The following ADCY2 variants were observed in gnomAD, a reference collection of about 807,000 sequenced individuals.
The protein encoded by ADCY2 is adenylate cyclase 2.
ADCY2 carries 31 observed loss-of-function variants against 125.2 expected under a neutral mutation model. The observed-to-expected ratio is 0.25, with a 90% CI of 0.19 to 0.33. The LOEUF (loss-of-function observed/expected upper bound fraction) is 0.33. Among genes scored for constraint, ADCY2 ranks in the 10% least tolerant of loss-of-function variants. ADCY2 has a pLI of 1.00. For missense variants in ADCY2, 904 were observed against 1,418.2 expected, an observed-to-expected ratio of 0.64 and a Z score of 5.82; for synonymous variants, 512 against 548.4, an observed-to-expected ratio of 0.93 and a Z score of 0.93.
chr5:7,710,022 G>A (rs988607407), intron 10 of ADCY2, among the ~76,000 whole-genome samples: 3 of 152,182 alleles, frequency 2.0e-5, no homozygotes, highest in Admixed American at 6.5e-5. Context: ...CTATCTGGGG[G>A]TAAAATTTCA....
At chr5:7,402,158 A>G (rs1312348941) in intron 1 of ADCY2, among the ~76,000 whole-genome samples, 1 of 152,184 alleles carries the variant, frequency 6.6e-6, no homozygotes, top group African/African-American at 2.4e-5. Context: ...GAGGGCATTC[A>G]ACTCTGACCC....
chr5:7,709,524 C>A lies in ADCY2; in HGVS notation c.1578+137C>A. 1 of 1,063,682 alleles carries A rather than the reference C, an allele frequency of 9.4e-7. No homozygotes were observed. The highest frequency in any genetic ancestry group is 1.3e-6 in the Non-Finnish European group (1 of 762,342). 65.9% of individuals were successfully genotyped at this position (1,063,682 alleles called of 1,614,324 possible). ...ATCACCTTCTTCTTCTCAGAGAGGC[C>A]CTTATGAACAACCATCAGGGTATGA... is the stretch of plus-strand genomic sequence containing the variant. On this transcript the variant is annotated intron_variant, in intron 10 of 24. Coordinates refer to ENST00000338316, the MANE Select transcript of ADCY2 (RefSeq NM_020546.3). The surrounding 1 kb of genome is among the most constrained non-coding windows in gnomAD (Gnocchi z 4.4).
chr5:7,755,854 G>A (rs1206718202), intron 15 of ADCY2, among the ~76,000 whole-genome samples: 1 of 152,222 alleles, frequency 6.6e-6, no homozygotes, highest in East Asian at 1.9e-4. Context: ...AAAATAAGAT[G>A]TGAAAGAAGT....
chr5:7,612,732 C>T (rs912258793), intron 3 of ADCY2, among the ~76,000 whole-genome samples: 28 of 152,108 alleles, frequency 1.8e-4, no homozygotes, highest in Admixed American at 2.0e-4. Flanking sequence ...AGACTGCACA[C>T]GAGGCCGGGC....
chr5:7,663,440 G>T (rs554854900), intron 4 of ADCY2, among the ~76,000 whole-genome samples: 1 of 152,256 alleles, frequency 6.6e-6, no homozygotes, highest in African/African-American at 2.4e-5. Context: ...GGGGGGGCCT[G>T]GAGCCTAGTA....
At chr5:7,763,194 C>T (rs1025069066) in intron 16 of ADCY2, among the ~76,000 whole-genome samples, 1 of 151,954 alleles carries the variant, frequency 6.6e-6, no homozygotes, top group Admixed American at 6.5e-5. Flanking sequence ...CCCGGGTTCA[C>T]GCCATTCTGC....
chr5:7,816,283 A>C (rs1745108339), intron 22 of ADCY2, among the ~76,000 whole-genome samples: 1 of 152,208 alleles, frequency 6.6e-6, no homozygotes, highest in African/African-American at 2.4e-5. Context: ...AGTAGCTGCC[A>C]CCCGGGGCAG....
At chr5:7,537,185 G>A (rs1016427534) in intron 3 of ADCY2, among the ~76,000 whole-genome samples, 6 of 152,118 alleles carry the variant, frequency 3.9e-5, no homozygotes, top group Non-Finnish European at 8.8e-5. Flanking sequence ...TATTTACTAT[G>A]TTTTAAAATC....
chr5:7,788,907 A>T (rs1443780978), intron 19 of ADCY2, among the ~76,000 whole-genome samples: 1 of 152,268 alleles, frequency 6.6e-6, no homozygotes, highest in Non-Finnish European at 1.5e-5. Flanking sequence ...AAGTATTTAC[A>T]TCATAGGAGG....
chr5:7,803,123 A>G (rs1156658394), intron 21 of ADCY2, among the ~76,000 whole-genome samples: 1 of 152,182 alleles, frequency 6.6e-6, no homozygotes, highest in Non-Finnish European at 1.5e-5. Flanking sequence ...TGTCACCACC[A>G]TCATCACTGT....
intron 3 of ADCY2, among the ~76,000 whole-genome samples, chr5:7,570,149 A>G (rs1291613010): frequency 1.3e-5 from 2 of 151,990 alleles, no homozygotes; most frequent in African/African-American, 4.8e-5. Context: ...TTCCAATCAG[A>G]TCATAATTGG....
At chr5:7,621,594 G>A (rs1244315577) in intron 3 of ADCY2, among the ~76,000 whole-genome samples, 2 of 152,154 alleles carry the variant, frequency 1.3e-5, no homozygotes, top group African/African-American at 4.8e-5. Flanking sequence ...TCGTCTATAA[G>A]ATGAAATAAT....
chr5:7,450,360 G>C (rs1741428158), intron 2 of ADCY2, among the ~76,000 whole-genome samples: 1 of 152,148 alleles, frequency 6.6e-6, no homozygotes, highest in Non-Finnish European at 1.5e-5. Flanking sequence ...CTGGCTGGAA[G>C]ATCAAATCAG....
Position 7,625,870 on chromosome 5 carries a change from A to T in ADCY2, c.571-297A>T, listed in dbSNP as rs566069376. Among the ~76,000 whole-genome samples the T allele has an allele frequency of 1.2e-4, 19 of 152,278 alleles. 1 individual carries two copies. The South Asian group carries it at 3.3e-3, about 27-fold the overall frequency. ...AATCCTGGGCTGGATCTAGCTCGTG[A>T]TTATTTCTGTCCACATTGCATTAGC... On this transcript the variant is annotated intron_variant, in intron 3 of 24. Coordinates refer to ENST00000338316, the MANE Select transcript of ADCY2 (RefSeq NM_020546.3).
At chr5:7,646,408 T>C (rs749499957) in intron 4 of ADCY2, among the ~76,000 whole-genome samples, 1 of 151,944 alleles carries the variant, frequency 6.6e-6, no homozygotes, top group Non-Finnish European at 1.5e-5. Context: ...GTAAATGCTT[T>C]ACTTTTAATT....
At chr5:7,636,541 C>T (rs1481434124) in intron 4 of ADCY2, among the ~76,000 whole-genome samples, 1 of 152,136 alleles carries the variant, frequency 6.6e-6, no homozygotes, top group Non-Finnish European at 1.5e-5. Context: ...TGATTGACCA[C>T]CTTGAGAAAC....
intron 3 of ADCY2, among the ~76,000 whole-genome samples, chr5:7,539,869 C>T (rs977950698): frequency 6.6e-6 from 1 of 152,206 alleles, no homozygotes; most frequent in Non-Finnish European, 1.5e-5. Flanking sequence ...GATAATAAAC[C>T]GTAATCGTAT....
chr5:7,789,311 T>A (rs1467444426), intron 19 of ADCY2, among the ~76,000 whole-genome samples: 4 of 152,250 alleles, frequency 2.6e-5, no homozygotes, highest in African/African-American at 9.6e-5. Flanking sequence ...TCATCATTTA[T>A]ATTCTACAAT....
At chr5:7,496,781 A>G (rs1743360352) in intron 2 of ADCY2, among the ~76,000 whole-genome samples, 1 of 152,170 alleles carries the variant, frequency 6.6e-6, no homozygotes. Context: ...TTTCCAATAT[A>G]TAAGGAACAA....
Sources: gnomAD v4.1 joint callset for allele counts (sites outside exome capture counted in the v4.1 genomes callset) on GRCh38, gnomAD v4.1.1 for gene constraint, Gnocchi (gnomAD v3.1) non-coding constraint, MANE v1.5 for transcripts, NCBI Gene and HGNC (gene_info 2026-07-23, HGNC 2026-07-21) for gene names.